The following DMD variants were observed in gnomAD, a reference collection of about 807,000 sequenced individuals.
DMD encodes mutant dystrophin.
DMD carries 63 observed loss-of-function variants against 330.1 expected under a neutral mutation model. The observed-to-expected ratio is 0.19, with a 90% CI of 0.16 to 0.24. The LOEUF is 0.24. DMD is among the 10% of genes least tolerant of loss of function. The pLI, the probability that DMD is intolerant of heterozygous loss-of-function variation, is 1.00. For synonymous variants in DMD, 1,223 were observed against 959.8 expected, an observed-to-expected ratio of 1.27 and a Z score of -5.07; for missense variants, 3,344 against 2,684.1, an observed-to-expected ratio of 1.25 and a Z score of -5.43.
At chrX:32,697,806 C>A in intron 9 of DMD, 64 bp downstream of exon 9, 2 of 1,191,329 alleles carry the variant, frequency 1.7e-6, no homozygotes, top group Non-Finnish European at 2.3e-6. Flanking sequence ...CAAGTAAAAG[C>A]AGTGTTAGAT....
chrX:32,917,827 G>A (rs2087977661), intron 2 of DMD, among the ~76,000 whole-genome samples: 1 of 110,839 alleles, frequency 9.0e-6, no homozygotes, highest in Non-Finnish European at 1.9e-5. Flanking sequence ...TCCCACTATC[G>A]GAGACTCCCA....
intron 1 of DMD, among the ~76,000 whole-genome samples, chrX:33,261,667 C>T (rs1017396022): frequency 9.2e-6 from 1 of 108,244 alleles, no homozygotes; most frequent in Non-Finnish European, 1.9e-5. Context: ...CACACACACA[C>T]GCCATGAAGG....
At chrX:32,663,446 TAC>T (rs1214713335) in intron 9 of DMD, among the ~76,000 whole-genome samples, 1 of 111,982 alleles carries the variant, frequency 8.9e-6, no homozygotes, top group African/African-American at 3.2e-5. Context: ...TTATTTTAAT[TAC>T]AGACTTGCCA....
At chrX:32,734,715 C>A (rs1388388704) in intron 7 of DMD, among the ~76,000 whole-genome samples, 1 of 109,981 alleles carries the variant, frequency 9.1e-6, no homozygotes, top group Non-Finnish European at 1.9e-5. Context: ...AATTCAACAA[C>A]CCTTCATGCT....
intron 60 of DMD, among the ~76,000 whole-genome samples, chrX:31,440,402 C>T (rs1463521636): frequency 9.0e-6 from 1 of 111,262 alleles, no homozygotes; most frequent in African/African-American, 3.3e-5. Context: ...ACCCGCCTCA[C>T]CCTCCCAAAG....
At position 33,133,606 on chromosome X, in the gene DMD, C is replaced by T. The variant is rs138393510; in HGVS notation, c.31+77676G>A. 8.5e-3 allele frequency among the ~76,000 whole-genome samples: 947 copies of T among 111,356 alleles called. 6 individuals carry two copies. Among genetic ancestry groups the T allele is most frequent in the Admixed American group, 0.013 (137 of 10,413 alleles). ...GCTTTCTCAATAAGAGTAAAGGATC[C>T]CGGCCATAATTGTTCTGCAGTAACT... On this transcript the variant is annotated intron_variant, in intron 1 of 78. Transcript: ENST00000357033.
chrX:33,182,464 G>T (rs2050046796), intron 1 of DMD, among the ~76,000 whole-genome samples: 1 of 109,676 alleles, frequency 9.1e-6, no homozygotes, highest in Admixed American at 9.8e-5. Context: ...TAGAGATGAG[G>T]TCTCACTCTG....
At chrX:31,450,698 G>A (rs1423765344) in intron 59 of DMD, among the ~76,000 whole-genome samples, 2 of 112,358 alleles carry the variant, frequency 1.8e-5, no homozygotes, top group African/African-American at 6.5e-5. Flanking sequence ...AGTGAGAGAA[G>A]CAGGAAGACA....
At chrX:32,025,989 G>A (rs770756683) in intron 44 of DMD, among the ~76,000 whole-genome samples, 17 of 112,185 alleles carry the variant, frequency 1.5e-4, no homozygotes, top group Admixed American at 7.6e-4. Flanking sequence ...GAATGTGAAT[G>A]AAGTGTATAA....
At chrX:33,307,993 C>T (rs1318204092) in intron 1 of DMD, among the ~76,000 whole-genome samples, 1 of 111,497 alleles carries the variant, frequency 9.0e-6, no homozygotes, top group East Asian at 2.8e-4. Flanking sequence ...CATTGAGTAC[C>T]ACGTAATGTT....
chrX:33,152,622 A>C lies in DMD; in HGVS notation c.31+58660T>G, dbSNP rs55764439. On this transcript the variant is annotated intron_variant, in intron 1 of 78. Coordinates refer to ENST00000357033, the MANE Select transcript of DMD (RefSeq NM_004006.3). Reference sequence around the variant, plus strand: ...GTGGAAGCCCTCTGGAGATTTTTACATGTGGAATATACTAGTTACTTAGTA... The same window carrying C: ...GTGGAAGCCCTCTGGAGATTTTTACCTGTGGAATATACTAGTTACTTAGTA... 8.2e-3 allele frequency among the ~76,000 whole-genome samples: 909 copies of C among 110,576 alleles called. 11 individuals are homozygous for C. Among genetic ancestry groups the C allele is most frequent in the African/African-American group, 0.029 (868 of 30,377 alleles).
In DMD at chrX:31,511,163, T is replaced by C. The variant is rs143886345; in HGVS notation, c.8218-3710A>G. Among the ~76,000 whole-genome samples, 112 of 108,842 alleles carry C rather than the reference T, an allele frequency of 1.0e-3. No homozygotes were observed. In the East Asian group the frequency reaches 0.02, roughly 20 times the overall value. 94.5% of individuals were successfully genotyped at this position (108,842 alleles called of 115,157 possible). Reference sequence around the variant, plus strand: ...AAAAGCTGGCATGCTGTAGTGGAGATTTTTCAGTATCAATAAGGCAGCATG... The same window carrying C: ...AAAAGCTGGCATGCTGTAGTGGAGACTTTTCAGTATCAATAAGGCAGCATG... On this transcript the variant is annotated intron_variant, in intron 55 of 78. Coordinates refer to ENST00000357033, the MANE Select transcript of DMD (RefSeq NM_004006.3).
intron 44 of DMD, among the ~76,000 whole-genome samples, chrX:32,125,975 C>T (rs888981258): frequency 3.6e-5 from 4 of 112,153 alleles, no homozygotes; most frequent in Non-Finnish European, 7.5e-5. Flanking sequence ...GAATCAGAAG[C>T]TCTATGGCTA....
At chrX:32,955,425 T>C (rs1254091283) in intron 2 of DMD, among the ~76,000 whole-genome samples, 4 of 110,864 alleles carry the variant, frequency 3.6e-5, no homozygotes, top group Non-Finnish European at 5.7e-5. Flanking sequence ...TCCTTATAAA[T>C]GCTGGATTTT....
chrX:32,688,883 T>G (rs1223588966), intron 9 of DMD, among the ~76,000 whole-genome samples: 2 of 111,344 alleles, frequency 1.8e-5, no homozygotes, highest in Admixed American at 9.6e-5. Context: ...GACAGAAAAT[T>G]TCCTATTCTT....
intron 48 of DMD, among the ~76,000 whole-genome samples, chrX:31,845,164 C>G (rs1193439565): frequency 9.1e-6 from 1 of 110,084 alleles, no homozygotes; most frequent in Non-Finnish European, 1.9e-5. Flanking sequence ...AATGTGAGCA[C>G]AGAAGACTGC....
intron 1 of DMD, among the ~76,000 whole-genome samples, chrX:33,298,225 G>C (rs1485614177): frequency 9.0e-6 from 1 of 110,901 alleles, no homozygotes; most frequent in Non-Finnish European, 1.9e-5. Context: ...GAGGAAAATA[G>C]TTCCTTCATG....
At chrX:33,097,399 T>C (rs190787881) in intron 1 of DMD, among the ~76,000 whole-genome samples, 273 of 110,548 alleles carry the variant, frequency 2.5e-3, no homozygotes, top group African/African-American at 8.7e-3. Flanking sequence ...GCTCTGGGTT[T>C]ACCATCTTTT....
intron 2 of DMD, among the ~76,000 whole-genome samples, chrX:32,866,661 A>C (rs754629283): frequency 1.0e-5 from 1 of 98,799 alleles, no homozygotes; most frequent in African/African-American, 3.8e-5. Flanking sequence ...TAGTTTTGTC[A>C]GTTTCATAGA....
Sources: gnomAD v4.1 joint callset for allele counts (sites outside exome capture counted in the v4.1 genomes callset) on GRCh38, gnomAD v4.1.1 for gene constraint, MANE v1.5 for transcripts, NCBI Gene and HGNC (gene_info 2026-07-23, HGNC 2026-07-21) for gene names.